The following AGBL3 variants were observed in gnomAD, a reference collection of about 807,000 sequenced individuals.
The protein encoded by AGBL3 is cytosolic carboxypeptidase 3.
A neutral mutation model predicts 94.5 loss-of-function variants in AGBL3; 68 were observed. The observed-to-expected ratio is 0.72, with a 90% CI of 0.59 to 0.88. The LOEUF is 0.88. Among genes scored for constraint, AGBL3 ranks in the 40% least tolerant of loss-of-function variants. The pLI is 0.00. For synonymous variants in AGBL3, 354 were observed against 370.7 expected, an observed-to-expected ratio of 0.95 and a Z score of 0.52; for missense variants, 934 against 1,103.8, an observed-to-expected ratio of 0.85 and a Z score of 2.18.
chr7:135,051,590 G>A (rs142303264), intron 11 of AGBL3, among the ~76,000 whole-genome samples: 190 of 151,936 alleles, frequency 1.3e-3, no homozygotes, highest in South Asian at 0.011. Flanking sequence ...TTATTATTGC[G>A]TCTAGGTTTT....
At chr7:135,057,877 A>G (rs943645174) in intron 11 of AGBL3, among the ~76,000 whole-genome samples, 14 of 152,212 alleles carry the variant, frequency 9.2e-5, no homozygotes, top group African/African-American at 3.4e-4. Context: ...TGAAAAGGCC[A>G]CATACTATAT....
At chr7:135,003,561 A>G (rs1811991651) in intron 4 of AGBL3, among the ~76,000 whole-genome samples, 1 of 151,874 alleles carries the variant, frequency 6.6e-6, no homozygotes, top group Admixed American at 6.6e-5. Flanking sequence ...CTTAAGGAAG[A>G]GTAACATACT....
chr7:135,108,742 T>C (rs1053986255), intron 15 of AGBL3, among the ~76,000 whole-genome samples: 17 of 152,260 alleles, frequency 1.1e-4, no homozygotes, highest in Middle Eastern at 3.2e-3. Context: ...TGATGGCCTC[T>C]CTAGCAAAGT....
At chr7:135,054,163 C>T (rs1471200837) in intron 11 of AGBL3, among the ~76,000 whole-genome samples, 1 of 152,176 alleles carries the variant, frequency 6.6e-6, no homozygotes, top group Non-Finnish European at 1.5e-5. Flanking sequence ...TTAAGGCCTA[C>T]AATGAATTAA....
chr7:135,065,473 G>C (rs1052215756), intron 12 of AGBL3, among the ~76,000 whole-genome samples: 2 of 152,220 alleles, frequency 1.3e-5, no homozygotes, highest in African/African-American at 4.8e-5. Context: ...ACTGGCATAT[G>C]AACAGACACA....
chr7:135,071,249 A>G (rs1819877331), intron 12 of AGBL3, among the ~76,000 whole-genome samples: 4 of 152,184 alleles, frequency 2.6e-5, no homozygotes, highest in Non-Finnish European at 5.9e-5. Context: ...AGAACATTCC[A>G]TGCTCATGGG....
Position 135,102,773 on chromosome 7 carries a change from C to T in AGBL3, c.2111-12607C>T, listed in dbSNP as rs190672519. On this transcript the variant is annotated intron_variant, in intron 15 of 16. Coordinates refer to ENST00000436302, the MANE Select transcript of AGBL3 (RefSeq NM_178563.4). ...TTACACCATAGCAAAAAAAAATTAA[C>T]TCAAAATGGATCATAGATCTAAATA... Among the ~76,000 whole-genome samples, 963 of 151,796 alleles carry T rather than the reference C, an allele frequency of 6.3e-3. 7 individuals carry two copies. The highest frequency in any genetic ancestry group is 0.017 in the Admixed American group (255 of 15,236).
rs1322115712 is a variant in AGBL3, at chr7:135,034,128, CCTTT to C, written c.558-13_558-10del. On this transcript the variant is annotated splice_polypyrimidine_tract_variant and intron_variant, in intron 6 of 16. Transcript: ENST00000436302. ...TTTTACATTCTTACGTGCTTTTTTC[CCTTT>C]CTTTCTTGTGTATTAGGGCAGAATA... 23 of 1,370,328 alleles carry C rather than the reference CCTTT, an allele frequency of 1.7e-5. No homozygotes were observed. Among genetic ancestry groups the C allele is most frequent in the Admixed American group, 3.3e-5 (1 of 30,618 alleles). 84.9% of individuals were successfully genotyped at this position (1,370,328 alleles called of 1,614,324 possible).
chr7:135,079,375 AT>A (rs1179054862), intron 13 of AGBL3, among the ~76,000 whole-genome samples: 3 of 151,802 alleles, frequency 2.0e-5, no homozygotes, highest in African/African-American at 4.8e-5. Context: ...GATTTTGCCC[AT>A]TTTTTTGCTG....
chr7:135,008,650 TC>T (rs1336997441), intron 4 of AGBL3, among the ~76,000 whole-genome samples: 12 of 150,910 alleles, frequency 8.0e-5, no homozygotes, highest in Non-Finnish European at 1.5e-5. Context: ...TTGAACTTTA[TC>T]AAAATTGAAA....
intron 8 of AGBL3, among the ~76,000 whole-genome samples, chr7:135,040,885 C>CACACCACACA (rs60759991): frequency 3.5e-4 from 42 of 120,998 alleles, no homozygotes; most frequent in East Asian, 2.2e-3. Flanking sequence ...CACACACACA[C>CACACCACACA]CACACACACA....
intron 16 of AGBL3, among the ~76,000 whole-genome samples, chr7:135,123,266 G>C (rs10263789): frequency 2.6e-5 from 4 of 151,936 alleles, no homozygotes; most frequent in Non-Finnish European, 5.9e-5. Flanking sequence ...ATCAATAGCC[G>C]AATCGACCAC....
At chr7:135,037,386 A>G (rs992291653) in intron 7 of AGBL3, 32 bp from the exon 8 acceptor site, 1 of 1,515,528 alleles carries the variant, frequency 6.6e-7, no homozygotes, top group Non-Finnish European at 8.8e-7. Context: ...ATGCAGAGAT[A>G]AAAGTTAGTA....
At chr7:135,070,097 C>T (rs1276368786) in intron 12 of AGBL3, among the ~76,000 whole-genome samples, 2 of 152,130 alleles carry the variant, frequency 1.3e-5, no homozygotes, top group Non-Finnish European at 2.9e-5. Context: ...CTATAAACAC[C>T]TCTATGCAAA....
chr7:135,015,168 G>T (rs180997986), intron 4 of AGBL3, among the ~76,000 whole-genome samples: 2 of 152,280 alleles, frequency 1.3e-5, no homozygotes, highest in African/African-American at 4.8e-5. Context: ...CATTACAGAT[G>T]AAATTGCTTA....
At chr7:135,010,245 C>G (rs1337742809) in intron 4 of AGBL3, 1 of 283,524 alleles carries the variant, frequency 3.5e-6, no homozygotes. Flanking sequence ...CCAGGATGGT[C>G]TCCGTCTCTT....
At chr7:135,099,862 A>G (rs1333031819) in intron 15 of AGBL3, 1 of 137,532 alleles carries the variant, frequency 7.3e-6, no homozygotes, top group Non-Finnish European at 1.6e-5. Flanking sequence ...TGCATTTAGC[A>G]TTGTATTGTC....
At chr7:134,997,290 G>A (rs1811128089) in intron 4 of AGBL3, among the ~76,000 whole-genome samples, 1 of 152,172 alleles carries the variant, frequency 6.6e-6, no homozygotes, top group South Asian at 2.1e-4. Flanking sequence ...CTGCTGCTGT[G>A]TGGCCTGGTT....
chr7:134,997,665 T>C (rs1811180116), intron 4 of AGBL3, among the ~76,000 whole-genome samples: 1 of 152,174 alleles, frequency 6.6e-6, no homozygotes, highest in Non-Finnish European at 1.5e-5. Flanking sequence ...CATAAACTAC[T>C]ATCTGACATA....
Sources: allele counts gnomAD v4.1 joint callset (sites outside exome capture counted in the v4.1 genomes callset), GRCh38; gene constraint gnomAD v4.1.1; transcripts MANE v1.5; gene names NCBI Gene and HGNC (gene_info 2026-07-23, HGNC 2026-07-21).